The following DLG2 variants were observed in gnomAD, a reference collection of about 807,000 sequenced individuals.
The protein encoded by DLG2 is discs large MAGUK scaffold protein 2.
A neutral mutation model predicts 132.5 loss-of-function variants in DLG2; 45 were observed. That is an observed-to-expected ratio of 0.34 (90% CI 0.27 to 0.44). The LOEUF is 0.44. Ranked by LOEUF, DLG2 falls within the 20% of genes least tolerant of loss-of-function variation. The pLI is 1.00. For synonymous variants in DLG2, 424 were observed against 419.6 expected (o/e 1.01, Z -0.13); for missense variants, 1,045 against 1,196.9 (o/e 0.87, Z 1.87).
At chr11:85,108,714 T>C (rs561604574) in intron 6 of DLG2, among the ~76,000 whole-genome samples, 1 of 152,228 alleles carries the variant, frequency 6.6e-6, no homozygotes, top group South Asian at 2.1e-4. Flanking sequence ...CTTATTACAC[T>C]AGCTCTAGGG....
chr11:84,877,371 T>C (rs566763179), intron 6 of DLG2, among the ~76,000 whole-genome samples: 2 of 152,224 alleles, frequency 1.3e-5, no homozygotes, highest in African/African-American at 2.4e-5. Context: ...GGTGCTCCTA[T>C]AGTGGGGGCA....
At chr11:84,621,243 T>A (rs977004601) in intron 6 of DLG2, among the ~76,000 whole-genome samples, 1 of 152,054 alleles carries the variant, frequency 6.6e-6, no homozygotes, top group African/African-American at 2.4e-5. Flanking sequence ...TATAACAGAG[T>A]AAAAACTATG....
chr11:85,363,148 A>G (rs2084288007), intron 3 of DLG2, among the ~76,000 whole-genome samples: 1 of 152,222 alleles, frequency 6.6e-6, no homozygotes, highest in African/African-American at 2.4e-5. Context: ...CAGTTTACAT[A>G]TTTTAGAACA....
chr11:84,975,244 T>C (rs3936472), intron 6 of DLG2, among the ~76,000 whole-genome samples: 2,988 of 152,300 alleles, frequency 0.02, 53 homozygotes, highest in Admixed American at 0.042. Context: ...CTAAATTTGG[T>C]TCACAAAAGC....
At chr11:84,389,165 A>T (rs1035693949) in intron 7 of DLG2, among the ~76,000 whole-genome samples, 3 of 152,174 alleles carry the variant, frequency 2.0e-5, no homozygotes, top group African/African-American at 7.2e-5. Flanking sequence ...AGGTTTCCTC[A>T]GCAAAGTCCA....
chr11:85,459,991 G>C (rs887173549), intron 3 of DLG2, among the ~76,000 whole-genome samples: 2 of 152,168 alleles, frequency 1.3e-5, no homozygotes, highest in African/African-American at 4.8e-5. Flanking sequence ...GAGCCTGAAG[G>C]CTATATTGGC....
At chr11:83,471,587 C>T (rs756047467) in intron 24 of DLG2, 39 bp downstream of exon 24, 29 of 1,455,926 alleles carry the variant, frequency 2.0e-5, no homozygotes, top group African/African-American at 2.8e-5. Context: ...AATCCAAGCT[C>T]TTTTTGTTTT....
At chr11:83,580,816 AG>A (rs1469380503) in intron 19 of DLG2, among the ~76,000 whole-genome samples, 1 of 17,932 alleles carries the variant, frequency 5.6e-5, no homozygotes, top group African/African-American at 2.4e-4. Flanking sequence ...CTGCCCCGCC[AG>A]GCTTCCTCCC....
chr11:83,827,342 G>C (rs376501229), intron 17 of DLG2, among the ~76,000 whole-genome samples: 2 of 152,074 alleles, frequency 1.3e-5, no homozygotes, highest in East Asian at 3.9e-4. Flanking sequence ...TGAAAATAGA[G>C]TCCTGGCAAA....
Position 84,415,607 on chromosome 11 carries a change from G to A in DLG2, c.519+118963C>T, listed in dbSNP as rs188267124. Among the ~76,000 whole-genome samples the A allele has an allele frequency of 4.6e-5, 7 of 152,224 alleles. No individual in the cohort carries two copies. In the South Asian group the frequency reaches 1.5e-3, roughly 32 times the overall value. On this transcript the variant is annotated intron_variant, in intron 7 of 27. Coordinates refer to ENST00000376104, the MANE Select transcript of DLG2 (RefSeq NM_001142699.3). ...GTCATAATTCTAAGAATTAGGATTC[G>A]TGATTCCAAAGTGGAGATTTGTCAT...
chr11:84,392,332 G>T (rs552759549), intron 7 of DLG2, among the ~76,000 whole-genome samples: 1 of 152,300 alleles, frequency 6.6e-6, no homozygotes, highest in East Asian at 1.9e-4. Flanking sequence ...TTAAACTGAT[G>T]ATTGCAAACA....
chr11:84,601,102 A>G (rs1360928913), intron 6 of DLG2, among the ~76,000 whole-genome samples: 1 of 152,162 alleles, frequency 6.6e-6, no homozygotes, highest in Non-Finnish European at 1.5e-5. Flanking sequence ...TGTTATTTTT[A>G]TGTAGAAGAT....
intron 6 of DLG2, among the ~76,000 whole-genome samples, chr11:85,099,859 T>A (rs1289666061): frequency 6.6e-6 from 1 of 152,100 alleles, no homozygotes; most frequent in Non-Finnish European, 1.5e-5. Context: ...CTACTTTGTA[T>A]CTAGAAAAAA....
chr11:83,819,993 T>C (rs79643633), intron 17 of DLG2, among the ~76,000 whole-genome samples: 1,694 of 152,280 alleles, frequency 0.011, 30 homozygotes, highest in African/African-American at 0.039. Context: ...CAGGTTTGAA[T>C]TCCACTTGAA....
chr11:83,993,846 C>T (rs1004406843), intron 11 of DLG2, among the ~76,000 whole-genome samples: 3 of 152,110 alleles, frequency 2.0e-5, no homozygotes, highest in African/African-American at 7.2e-5. Context: ...GCACACAAAG[C>T]CACAAAAGTT....
intron 7 of DLG2, among the ~76,000 whole-genome samples, chr11:84,281,491 G>T (rs986143508): frequency 2.0e-5 from 3 of 151,340 alleles, no homozygotes; most frequent in African/African-American, 7.3e-5. Flanking sequence ...TGCACAATGT[G>T]CAGGTTAGTT....
intron 15 of DLG2, among the ~76,000 whole-genome samples, chr11:83,901,583 C>T (rs1447851636): frequency 6.6e-6 from 1 of 152,222 alleles, no homozygotes; most frequent in African/African-American, 2.4e-5. Flanking sequence ...CTTTCACCTT[C>T]TGCCATGATT....
intron 5 of DLG2, among the ~76,000 whole-genome samples, chr11:85,144,308 C>G (rs922409383): frequency 6.8e-6 from 1 of 147,660 alleles, no homozygotes; most frequent in African/African-American, 2.5e-5. Flanking sequence ...TAATTTCACT[C>G]TATAGGTGAA....
At position 84,223,106 on chromosome 11, in the gene DLG2, A is replaced by T. The variant is rs1161050022; in HGVS notation, c.573+28132T>A. Among the ~76,000 whole-genome samples the T allele has an allele frequency of 1.3e-5, 2 of 152,142 alleles. 1 individual carries two copies. The highest frequency in any genetic ancestry group is 2.9e-5 in the Non-Finnish European group (2 of 68,026). On this transcript the variant is annotated intron_variant, in intron 8 of 27. Transcript: ENST00000376104. ...TCAGCTCCCAAATAATATTAAGATA[A>T]GCACTAACTGGGACTTATAAGGAAT...
Sources: gnomAD v4.1 joint callset for allele counts (sites outside exome capture counted in the v4.1 genomes callset) on GRCh38, gnomAD v4.1.1 for gene constraint, MANE v1.5 for transcripts, NCBI Gene and HGNC (gene_info 2026-07-23, HGNC 2026-07-21) for gene names.